RPP40: variants seen among roughly 807,000 people sequenced by gnomAD.
RPP40 encodes ribonuclease P protein subunit p40.
A neutral mutation model predicts 42.5 loss-of-function variants in RPP40; 30 were observed. That is an observed-to-expected ratio of 0.71 (90% CI 0.53 to 0.96). The LOEUF (loss-of-function observed/expected upper bound fraction) is 0.96, where lower values mean the gene tolerates loss of function less well. RPP40 is among the 40% of genes least tolerant of loss of function. The pLI, the probability that RPP40 is intolerant of heterozygous loss-of-function variation, is 0.00. For missense variants in RPP40, 426 were observed against 433.5 expected (o/e 0.98, Z 0.15); for synonymous variants, 173 against 164.0 (o/e 1.05, Z -0.42).
chr6:5,003,720 G>A lies in RPP40; in HGVS notation c.123+160C>T, dbSNP rs906699548. 1.5e-5 allele frequency: 13 copies of A among 895,300 alleles called. No homozygotes were observed. In the African/African-American group the frequency reaches 2.1e-4, roughly 14 times the overall value. 55.5% of individuals were successfully genotyped at this position (895,300 alleles called of 1,614,324 possible). ...TGTAGCCCTGCAAGCCACTGGCTTA[G>A]AGCAGTTAAGAGACTACAACTCCCA... is the stretch of plus-strand genomic sequence containing the variant. On this transcript the variant is annotated intron_variant, in intron 1 of 7. Transcript: ENST00000380051.
chr6:4,996,546 C>A, intron 5 of RPP40, 126 bp from the exon 6 acceptor site: 2 of 789,194 alleles, frequency 2.5e-6, no homozygotes, highest in South Asian at 1.7e-5. Context: ...CTGTGCAGAG[C>A]TGCATTCAAA....
intron 1 of RPP40, chr6:5,003,606 A>T: frequency 2.9e-6 from 1 of 339,190 alleles, no homozygotes; most frequent in Non-Finnish European, 5.4e-6. Context: ...GCGGGTTGAC[A>T]CGAGTGAGCA....
At position 4,998,902 on chromosome 6, in the gene RPP40, A is replaced by T. The variant is rs1240208022; in HGVS notation, c.434-61T>A. 2.8e-6 allele frequency: 3 copies of T among 1,082,836 alleles called. No individual in the cohort carries two copies. The African/African-American group carries it at 5.0e-5, about 18-fold the overall frequency. 67.1% of individuals were successfully genotyped at this position (1,082,836 alleles called of 1,614,324 possible). A position where few individuals can be genotyped will look rare whatever the true frequency, so the allele number is the denominator to read the frequency against. ...ATATACGTACAGCTTCTACCATGGA[A>T]AAAGTGTTACATTTTTAAAAACTAG... On this transcript the variant is annotated intron_variant, in intron 4 of 7. Transcript: ENST00000380051.
chr6:4,998,647 C>G, intron 5 of RPP40, 69 bp downstream of exon 5: 1 of 1,062,734 alleles, frequency 9.4e-7, no homozygotes, highest in Non-Finnish European at 1.4e-6. Flanking sequence ...ATTCAATCCT[C>G]CATTACTCCT....
intron 2 of RPP40, among the ~76,000 whole-genome samples, chr6:5,001,394 C>G (rs983810553): frequency 6.6e-6 from 1 of 152,162 alleles, no homozygotes; most frequent in Non-Finnish European, 1.5e-5. Context: ...GCTCATAAGT[C>G]GCCCCAGCAG....
At chr6:5,003,809 C>G in intron 1 of RPP40, 71 bp downstream of exon 1, 1 of 1,534,498 alleles carries the variant, frequency 6.5e-7, no homozygotes, top group Admixed American at 2.0e-5. Context: ...CGAAGCCTAG[C>G]ACTCTCCCCA....
At chr6:4,992,056 G>A (rs1345625402), downstream of RPP40, among the ~76,000 whole-genome samples, 1 of 152,134 alleles carries the variant, frequency 6.6e-6, no homozygotes, top group Non-Finnish European at 1.5e-5. Context: ...GAGCCAATTA[G>A]GCCAGGTGTG....
intron 4 of RPP40, 37 bp downstream of exon 4, chr6:4,999,769 CAAG>C (rs745503421): frequency 3.6e-6 from 4 of 1,119,160 alleles, no homozygotes; most frequent in East Asian, 2.4e-5. Context: ...TAAATTGCCA[CAAG>C]AAGATTAGAA....
chr6:5,003,727 TAA>T, intron 1 of RPP40, 151 bp downstream of exon 1: 2 of 974,656 alleles, frequency 2.1e-6, no homozygotes. Flanking sequence ...TTAGAGCAGT[TAA>T]GAGACTACAA....
In RPP40 at chr6:5,003,752, C is replaced by A. The variant is rs968619951; in HGVS notation, c.123+128G>T. The A allele has an allele frequency of 3.2e-5, 40 of 1,237,326 alleles. No homozygotes were observed. The African/African-American group carries it at 5.7e-4, about 18-fold the overall frequency. The allele number at this position is 1,237,326 out of a possible 1,614,324, so 76.6% of individuals were successfully genotyped here. A position where few individuals can be genotyped will look rare whatever the true frequency, so the allele number is the denominator to read the frequency against. On this transcript the variant is annotated intron_variant, in intron 1 of 7. Coordinates refer to ENST00000380051, the MANE Select transcript of RPP40 (RefSeq NM_006638.4). ...TAAGAGACTACAACTCCCAGCAAGC[C>A]GGGCGAGGGCCCCGCCCCTCCGCGT...
chr6:5,002,329 AGTT>A (rs1377778552), intron 1 of RPP40, 84 bp from the exon 2 acceptor site: 6 of 1,216,778 alleles, frequency 4.9e-6, no homozygotes, highest in Non-Finnish European at 6.9e-6. Context: ...AAATCATGAA[AGTT>A]GTTATTTCTC....
chr6:4,995,929 A>T, intron 7 of RPP40, 22 bp downstream of exon 7: 1 of 1,611,144 alleles, frequency 6.2e-7, no homozygotes, highest in Non-Finnish European at 8.5e-7. Context: ...GATGAGCGAT[A>T]TAAAAGGTAA....
At chr6:4,999,391 C>T (rs1034778626) in intron 4 of RPP40, among the ~76,000 whole-genome samples, 4 of 148,026 alleles carry the variant, frequency 2.7e-5, no homozygotes, top group South Asian at 2.2e-4. Flanking sequence ...CTCCCCCTCC[C>T]GGGTTCAAGC....
At chr6:4,992,420 C>A (rs1018436593), downstream of RPP40, among the ~76,000 whole-genome samples, 3 of 150,702 alleles carry the variant, frequency 2.0e-5, no homozygotes, top group Non-Finnish European at 3.0e-5. Flanking sequence ...AATTAAACCT[C>A]TTTTCTTTAT....
intron 4 of RPP40, 85 bp from the exon 5 acceptor site, chr6:4,998,926 A>G: frequency 1.1e-6 from 1 of 910,234 alleles, no homozygotes; most frequent in Non-Finnish European, 1.5e-6. Context: ...TTTAAAAACT[A>G]GAATTTTGGG....
At chr6:4,999,162 C>T (rs946391091) in intron 4 of RPP40, among the ~76,000 whole-genome samples, 4 of 152,088 alleles carry the variant, frequency 2.6e-5, no homozygotes, top group Admixed American at 6.5e-5. Context: ...TCGAGCCAGA[C>T]GCTGTCAGCA....
At chr6:5,002,053 A>G (rs373005518) in intron 2 of RPP40, 48 bp downstream of exon 2, 86 of 1,558,668 alleles carry the variant, frequency 5.5e-5, no homozygotes, top group Middle Eastern at 1.7e-4. Flanking sequence ...TGGTCTCCCT[A>G]CCCTTCCTCA....
intron 6 of RPP40, 21 bp from the exon 7 acceptor site, chr6:4,996,106 G>A: frequency 6.2e-7 from 1 of 1,612,182 alleles, no homozygotes; most frequent in Non-Finnish European, 8.5e-7. Flanking sequence ...AAAAATAAAA[G>A]AGAGAGAGAT....
At chr6:5,001,444 A>G (rs931312487) in intron 2 of RPP40, among the ~76,000 whole-genome samples, 6 of 152,208 alleles carry the variant, frequency 3.9e-5, no homozygotes, top group African/African-American at 1.2e-4. Flanking sequence ...AGAGTTCTTC[A>G]TATCTTCACT....
Sources: gnomAD v4.1 joint callset for allele counts (sites outside exome capture counted in the v4.1 genomes callset) on GRCh38, gnomAD v4.1.1 for gene constraint, MANE v1.5 for transcripts, NCBI Gene and HGNC (gene_info 2026-07-23, HGNC 2026-07-21) for gene names.